KMT2D: variants seen among roughly 807,000 people sequenced by gnomAD.
KMT2D encodes lysine methyltransferase 2D.
Under a neutral mutation model 512.7 loss-of-function variants are expected in KMT2D, and 55 were observed. That is an observed-to-expected ratio of 0.11 (90% CI 0.09 to 0.13). The LOEUF is 0.13. Ranked by LOEUF, KMT2D falls within the 10% of genes least tolerant of loss-of-function variation. The probability of loss-of-function intolerance (pLI) is 1.00; values close to 1 mark genes in which losing one functional copy is unlikely to be tolerated. For synonymous variants in KMT2D, 2,995 were observed against 2,904.0 expected (o/e 1.03, Z -1.01); for missense variants, 6,061 against 7,127.9 (o/e 0.85, Z 5.39).
In KMT2D at chr12:49,050,059, C is replaced by A. The variant is rs2120645066; in HGVS notation, c.3529G>T (p.Gly1177Trp). 1 of 1,613,900 alleles carries A rather than the reference C, an allele frequency of 6.2e-7. No homozygotes were observed. Among genetic ancestry groups the A allele is most frequent in the Non-Finnish European group, 8.5e-7 (1 of 1,179,898 alleles). The change falls in exon 12 of 55, where the codon GGG becomes TGG. Residue 1177 changes from glycine (G) to tryptophan (W), a missense_variant. Coordinates refer to ENST00000301067, the MANE Select transcript of KMT2D (RefSeq NM_003482.4). ...EVYPECKQTA[G>W]QGSPCEEQEE... ...TGTTCTTCACATGGTGAGCCCTGCC[C>A]TGCTGTCTGCTTGCATTCGGGGTAG...
In KMT2D at chr12:49,032,930, T is replaced by C. The variant is rs945994774; in HGVS notation, c.11775A>G (p.Gln3925=). ...QQQQQLQQQQ[Q]LQQQQLQQQQ... ...GCTGTTGAAGCTGTTGCTGCTGAAG[T>C]TGCTGTTGCTGTTGTAGCTGCTGCT... Residue 3925 remains glutamine (Q), a synonymous_variant, in exon 40 of 55, where the codon CAA becomes CAG. Transcript: ENST00000301067. 3 of 1,549,986 alleles carry C rather than the reference T, an allele frequency of 1.9e-6. No individual in the cohort carries two copies. The highest frequency in any genetic ancestry group is 1.4e-5 in the African/African-American group (1 of 72,890).
At chr12:49,048,875 GAAGGCCAA>G in intron 13 of KMT2D, 106 bp from the exon 14 acceptor site, 2 of 807,266 alleles carry the variant, frequency 2.5e-6, no homozygotes, top group Non-Finnish European at 4.1e-6. Context: ...TGGTTAAGAT[GAAGGCCAA>G]AAGCCAGGAA....
Position 49,022,750 on chromosome 12 carries a change from G to T in KMT2D, c.16178C>A (p.Thr5393Asn), listed in dbSNP as rs2137707207. Reference protein sequence around the residue: ...SKSSQYRRLRTEWKNNVYLAR... With the variant: ...SKSSQYRRLRNEWKNNVYLAR... ...CAGGTACACGTTGTTCTTCCATTCG[G>T]TGCGCAGCCGCCGGTACTGAGATGA... Residue 5393 changes from threonine (T) to asparagine (N), a missense_variant, in exon 52 of 55, where the codon ACC becomes AAC. Physicochemically the swap from Thr to Asn is moderately conservative, Grantham distance 65. This residue lies in a region of KMT2D where 261 missense variants were observed against 440.7 expected (regional missense o/e 0.59). Transcript: ENST00000301067. This position sits in a 1 kb window ranked among gnomAD's most constrained non-coding sequence, Gnocchi z 8.6. 6.2e-7 allele frequency: 1 copy of T among 1,613,992 alleles called. No homozygotes were observed. Among genetic ancestry groups the T allele is most frequent in the African/African-American group, 1.3e-5 (1 of 75,042 alleles).
rs1257302144 is a variant in KMT2D, at chr12:49,051,550, C to T, written c.2133G>A (p.Pro711=). 8.7e-6 allele frequency: 14 copies of T among 1,609,892 alleles called. No individual in the cohort carries two copies. The highest frequency in any genetic ancestry group is 1.7e-4 in the Middle Eastern group (1 of 6,058). Residue 711 remains proline, a synonymous_variant, in exon 11 of 55, where the codon CCG becomes CCA. Transcript: ENST00000301067. The part of the protein sequence containing the change: ...PPEDSPASPP[P]EDSLMSLPLE... ...GCGGCAGGGACATGAGCGAGTCCTC[C>T]GGTGGTGGGGAAGCAGGTGAGTCCT...
rs1942152731 is a variant in KMT2D at position 49,018,993 on chromosome 12, T to C, written c.*2787A>G. ...GAGCCGCTTGTATTTAAAATGTTCTTTTTTTATTTGTCGTTTAAAAACAAA... is the reference window on the plus strand; with the variant it reads ...GAGCCGCTTGTATTTAAAATGTTCTCTTTTTATTTGTCGTTTAAAAACAAA... On this transcript the variant is annotated 3_prime_UTR_variant, in exon 55 of 55. Transcript: ENST00000301067. The C allele has an allele frequency of 7.1e-7, 1 of 1,404,340 alleles. No individual in the cohort carries two copies. The highest frequency in any genetic ancestry group is 1.6e-5 in the South Asian group (1 of 62,322). 87.0% of individuals were successfully genotyped at this position (1,404,340 alleles called of 1,614,324 possible). A position where few individuals can be genotyped will look rare whatever the true frequency, so the allele number is the denominator to read the frequency against.
Position 49,026,406 on chromosome 12 carries a change from G to C in KMT2D, c.15560C>G (p.Ala5187Gly), listed in dbSNP as rs770452569. Residue 5187 changes from alanine (A) to glycine (G), a missense_variant, in exon 49 of 55, where the codon GCC becomes GGC. Physicochemically the swap from Ala to Gly is moderately conservative, Grantham distance 60. Around this residue, in one of 16 missense-constraint regions of KMT2D, gnomAD observed 261 missense variants for 440.7 expected, o/e 0.59. Coordinates refer to ENST00000301067, the MANE Select transcript of KMT2D (RefSeq NM_003482.4). This position sits in a 1 kb window ranked among gnomAD's most constrained non-coding sequence, Gnocchi z 9.6. Reference sequence around the variant, plus strand: ...CTGGTGAGGCAGCAGCTGTCCGATGGCGTGGAACACAAGGCCCCCCACACG... The same window carrying C: ...CTGGTGAGGCAGCAGCTGTCCGATGCCGTGGAACACAAGGCCCCCCACACG... The part of the protein sequence containing the change: ...MFRVGGLVFH[A>G]IGQLLPHQMA... 8 of 1,613,916 alleles carry C rather than the reference G, an allele frequency of 5.0e-6. No homozygotes were observed. The Admixed American group carries it at 8.3e-5, about 17-fold the overall frequency.
rs758329937 is a variant in KMT2D at position 49,031,570 on chromosome 12, G to C, written c.13135C>G (p.Pro4379Ala). 7 of 1,600,982 alleles carry C rather than the reference G, an allele frequency of 4.4e-6. No individual in the cohort carries two copies. Among genetic ancestry groups the C allele is most frequent in the Non-Finnish European group, 6.0e-6 (7 of 1,173,632 alleles). ...LFSKGLGPWD[P>A]PDNLAETQKP... The stretch of plus-strand genomic sequence containing the variant: ...TGGGTTTCTGCTAGGTTGTCTGGGG[G>C]ATCCCAAGGTCCCAGACCCTTGCTA... Residue 4379 changes from proline (P) to alanine (A), a missense_variant, in exon 40 of 55, where the codon CCC becomes GCC. Physicochemically the swap from Pro to Ala is conservative, Grantham distance 27 (BLOSUM62 -1). Transcript: ENST00000301067.
rs955627003 is a variant in KMT2D, at chr12:49,039,026, G to C, written c.8367-37C>G. The C allele has an allele frequency of 5.2e-6, 8 of 1,549,182 alleles. No individual in the cohort carries two copies. Among genetic ancestry groups the C allele is most frequent in the African/African-American group, 2.7e-5 (2 of 73,028 alleles). On this transcript the variant is annotated intron_variant, in intron 34 of 54. Coordinates refer to ENST00000301067, the MANE Select transcript of KMT2D (RefSeq NM_003482.4). The surrounding 1 kb of genome is among the most constrained non-coding windows in gnomAD (Gnocchi z 5.0). ...TACAGTAGTCAGTAGGATGAAATCAGATGAAAAGGAGCAAGAACATGGGCT... is the reference window on the plus strand; with the variant it reads ...TACAGTAGTCAGTAGGATGAAATCACATGAAAAGGAGCAAGAACATGGGCT...
chr12:49,034,942 AG>A lies in KMT2D; in HGVS notation c.10232-8del. The A allele has an allele frequency of 6.2e-7, 1 of 1,613,746 alleles. No individual in the cohort carries two copies. Among genetic ancestry groups the A allele is most frequent in the Non-Finnish European group, 8.5e-7 (1 of 1,179,710 alleles). ...GCAGCAAATTTGTCCAGGTCTGGAG[AG>A]GGGAGAACCAAGTGAGCTGGGCTAT... On this transcript the variant is annotated splice_polypyrimidine_tract_variant and splice_region_variant and intron_variant, in intron 35 of 54. Coordinates refer to ENST00000301067, the MANE Select transcript of KMT2D (RefSeq NM_003482.4).
At position 49,038,821 on chromosome 12, in the gene KMT2D, A is replaced by G. The variant is rs770106170; in HGVS notation, c.8535T>C (p.Leu2845=). The G allele has an allele frequency of 2.6e-6, 4 of 1,563,996 alleles. No homozygotes were observed. Among genetic ancestry groups the G allele is most frequent in the Non-Finnish European group, 3.5e-6 (4 of 1,153,882 alleles). ...ACGGGGAACCTAGGGCTTGGCGGCC[A>G]AGTTCAGGTCCAGGAGTTGATGGAA... ...ARFPSTPGPE[L]GRQALGSPLA... is the part of the protein sequence containing the mutation. The change falls in exon 35 of 55, where the codon CTT becomes CTC. Residue 2845 remains leucine (L), a synonymous_variant. Coordinates refer to ENST00000301067, the MANE Select transcript of KMT2D (RefSeq NM_003482.4). The surrounding 1 kb of genome is among the most constrained non-coding windows in gnomAD (Gnocchi z 5.7).
rs760307856 is a variant in KMT2D, at chr12:49,042,817, T to G, written c.5706A>C (p.Glu1902Asp). 1 of 1,613,964 alleles carries G rather than the reference T, an allele frequency of 6.2e-7. No homozygotes were observed. Among genetic ancestry groups the G allele is most frequent in the Non-Finnish European group, 8.5e-7 (1 of 1,179,850 alleles). The change falls in exon 27 of 55, where the codon GAA (glutamate) becomes GAC (aspartate). Residue 1902 changes from glutamate (E) to aspartate (D), a missense_variant. Physicochemically the swap from Glu to Asp is conservative, Grantham distance 45. Transcript: ENST00000301067. The surrounding 1 kb of genome is among the most constrained non-coding windows in gnomAD (Gnocchi z 4.4). ...QQLFKDVLGSEREQHLGCGTP... is the reference protein window; with the variant it reads ...QQLFKDVLGSDREQHLGCGTP... ...TTCCACAACCCAGATGCTGTTCTCG[T>G]TCAGAGCCCAGAACATCCTTGAAGA...
intron 42 of KMT2D, 59 bp downstream of exon 42, chr12:49,030,542 C>T (rs1942848137): frequency 6.7e-7 from 1 of 1,501,398 alleles, no homozygotes; most frequent in Admixed American, 2.2e-5. Flanking sequence ...GTTTTCTATT[C>T]CCACCCTCAC....
chr12:49,041,196 C>T lies in KMT2D; in HGVS notation c.6574G>A (p.Ala2192Thr), dbSNP rs753278764. The T allele has an allele frequency of 1.3e-6, 2 of 1,514,560 alleles. No individual in the cohort carries two copies. Among genetic ancestry groups the T allele is most frequent in the Non-Finnish European group, 1.8e-6 (2 of 1,133,948 alleles). 93.8% of individuals were successfully genotyped at this position (1,514,560 alleles called of 1,614,324 possible). ...AYPLEPRFPT[A>T]PPTYPPYPSP... The stretch of plus-strand genomic sequence containing the variant: ...GGATAGGGGGGATAGGTGGGCGGTG[C>T]CGTGGGGAAGCGGGGCTCCAGGGGA... The change falls in exon 32 of 55, where the codon GCA becomes ACA. Residue 2192 changes from alanine (A) to threonine (T), a missense_variant. This residue lies in a region of KMT2D where 710 missense variants were observed against 647.3 expected (regional missense o/e 1.10). Transcript: ENST00000301067. This position sits in a 1 kb window ranked among gnomAD's most constrained non-coding sequence, Gnocchi z 5.4.
At chr12:49,023,383 T>C (rs1021765092) in intron 51 of KMT2D, among the ~76,000 whole-genome samples, 10 of 152,186 alleles carry the variant, frequency 6.6e-5, no homozygotes, top group African/African-American at 2.4e-4. Context: ...GGCTGTGAAC[T>C]CACAGCCTAA....
In KMT2D at chr12:49,030,996, T is replaced by C. The variant is rs752523300; in HGVS notation, c.13568A>G (p.Lys4523Arg). The change falls in exon 41 of 55, where the codon AAG becomes AGG. Residue 4523 changes from lysine (K) to arginine (R), a missense_variant. Coordinates refer to ENST00000301067, the MANE Select transcript of KMT2D (RefSeq NM_003482.4). ...CCTGTCGCTTGCCTTCTGTACCCGC[T>C]TGGGCTTCGGTGTCAAAGGCTTCCT... is the stretch of plus-strand genomic sequence containing the variant. ...AARKPLTPKP[K>R]RVQKASDRLV... 8.1e-5 allele frequency: 130 copies of C among 1,613,840 alleles called. No homozygotes were observed. Among genetic ancestry groups the C allele is most frequent in the Non-Finnish European group, 1.1e-4 (127 of 1,179,894 alleles).
rs1304816177 is a variant in KMT2D, at chr12:49,050,689, T to C, written c.2899A>G (p.Ser967Gly). The change falls in exon 12 of 55, where the codon AGT becomes GGT. Residue 967 changes from serine (S) to glycine (G), a missense_variant. Physicochemically the swap from Ser to Gly is moderately conservative, Grantham distance 56 (BLOSUM62 0). Around this residue, in one of 16 missense-constraint regions of KMT2D, gnomAD observed 848 missense variants for 838.5 expected, o/e 1.01. Transcript: ENST00000301067. ...LEYPFGAKGD[S>G]DPESPLAAPI... Reference sequence around the variant, plus strand: ...GCAGCCAACGGTGACTCAGGGTCACTGTCCCCTTTGGCACCAAAGGGGTAC... The same window carrying C: ...GCAGCCAACGGTGACTCAGGGTCACCGTCCCCTTTGGCACCAAAGGGGTAC... 4 of 1,613,480 alleles carry C rather than the reference T, an allele frequency of 2.5e-6. No individual in the cohort carries two copies. The highest frequency in any genetic ancestry group is 3.4e-6 in the Non-Finnish European group (4 of 1,179,750).
intron 46 of KMT2D, 66 bp downstream of exon 46, chr12:49,028,741 CGACTACATTTTTCCTTATCCA>C: frequency 6.5e-7 from 1 of 1,546,024 alleles, no homozygotes; most frequent in Non-Finnish European, 8.8e-7. Context: ...TGTGCTTGAA[CGACTACATTTTTCCTTATCCA>C]GACAAATTCC....
rs2120483366 is a variant in KMT2D at position 49,037,639 on chromosome 12, T to G, written c.9717A>C (p.Ser3239=). The G allele has an allele frequency of 6.4e-7, 1 of 1,571,862 alleles. No individual in the cohort carries two copies. The highest frequency in any genetic ancestry group is 8.6e-7 in the Non-Finnish European group (1 of 1,158,296). ...GCAGGGGTAACTCGCTGGCTACCAG[T>G]GAGCTCTCCATCTTGTCTAGCTCAT... ...SGDELDKMES[S]LVASELPLLI... Residue 3239 remains serine (S), a synonymous_variant, in exon 35 of 55, where the codon TCA becomes TCC. Coordinates refer to ENST00000301067, the MANE Select transcript of KMT2D (RefSeq NM_003482.4).
In KMT2D at chr12:49,027,075, C is replaced by T. The variant is rs777093715; in HGVS notation, c.14891G>A (p.Arg4964His). 1.2e-5 allele frequency: 20 copies of T among 1,613,062 alleles called. 1 individual carries two copies. The South Asian group carries it at 1.3e-4, about 11-fold the overall frequency. Residue 4964 changes from arginine (R) to histidine (H), a missense_variant, in exon 49 of 55, where the codon CGT becomes CAT. Arg to His is a conservative substitution (Grantham distance 29, BLOSUM62 0). Around this residue, in one of 16 missense-constraint regions of KMT2D, gnomAD observed 1,600 missense variants for 1,754.9 expected, o/e 0.91. Transcript: ENST00000301067. ...TTCACCTTCTTCAGGGGGCCGGGCA[C>T]GGGGCTTGGGTCGGGCTGATTCAGG... is the stretch of plus-strand genomic sequence containing the variant. ...SSPESARPKP[R>H]ARPPEEGEDS...
Sources: allele counts gnomAD v4.1 joint callset (sites outside exome capture counted in the v4.1 genomes callset), GRCh38; gene constraint gnomAD v4.1.1; regional missense constraint gnomAD v4.1.1; non-coding constraint Gnocchi (gnomAD v3.1); transcripts MANE v1.5; gene names NCBI Gene and HGNC (gene_info 2026-07-23, HGNC 2026-07-21).